Variants in KIAA1328 observed in about 807,000 individuals in gnomAD.
The protein encoded by KIAA1328 is KIAA1328.
A neutral mutation model predicts 68.1 loss-of-function variants in KIAA1328; 52 were observed. That is an observed-to-expected ratio of 0.76 (90% confidence interval 0.61 to 0.96). KIAA1328 has a LOEUF of 0.96. KIAA1328 is among the 40% of genes least tolerant of loss of function. The probability of loss-of-function intolerance (pLI) is 0.00; values close to 1 mark genes in which losing one functional copy is unlikely to be tolerated. For missense variants in KIAA1328, 641 were observed against 677.6 expected (o/e 0.95, Z 0.60); for synonymous variants, 232 against 239.4 (o/e 0.97, Z 0.28).
At chr18:36,964,247 A>G (rs1015944264) in intron 6 of KIAA1328, among the ~76,000 whole-genome samples, 1 of 152,210 alleles carries the variant, frequency 6.6e-6, no homozygotes, top group Non-Finnish European at 1.5e-5. Flanking sequence ...TAGAGCACAA[A>G]TATGCTAGAG....
At chr18:37,117,886 AAAT>A (rs758234706) in intron 7 of KIAA1328, among the ~76,000 whole-genome samples, 2 of 141,710 alleles carry the variant, frequency 1.4e-5, no homozygotes, top group African/African-American at 2.8e-5. Flanking sequence ...TAAAAAAAAA[AAAT>A]ATATATATAT....
At chr18:36,897,386 T>C (rs1031823723) in intron 5 of KIAA1328, among the ~76,000 whole-genome samples, 4 of 152,072 alleles carry the variant, frequency 2.6e-5, no homozygotes, top group Non-Finnish European at 2.9e-5. Context: ...GTTTTTCAAA[T>C]AGTTGTTATA....
At chr18:37,149,473 C>G (rs901470217) in intron 7 of KIAA1328, among the ~76,000 whole-genome samples, 2 of 152,126 alleles carry the variant, frequency 1.3e-5, no homozygotes, top group African/African-American at 2.4e-5. Context: ...CTAGGTGGTA[C>G]CATTCAGGAC....
intron 6 of KIAA1328, among the ~76,000 whole-genome samples, chr18:36,965,128 T>C (rs1221184909): frequency 6.6e-6 from 1 of 152,158 alleles, no homozygotes; most frequent in East Asian, 1.9e-4. Context: ...TTTTGGCAGG[T>C]AGATATAAAG....
chr18:36,976,758 A>G (rs1287595110), intron 6 of KIAA1328, among the ~76,000 whole-genome samples: 1 of 152,138 alleles, frequency 6.6e-6, no homozygotes, highest in African/African-American at 2.4e-5. Context: ...GTTATCTAAG[A>G]TTCCTTCCAG....
intron 8 of KIAA1328, among the ~76,000 whole-genome samples, chr18:37,167,677 G>A (rs1419090149): frequency 6.6e-6 from 1 of 151,990 alleles, no homozygotes; most frequent in African/African-American, 2.4e-5. Flanking sequence ...TTGATATCCA[G>A]CAGCTTCTGT....
At chr18:36,858,769 G>A (rs1476864175) in intron 4 of KIAA1328, among the ~76,000 whole-genome samples, 1 of 152,136 alleles carries the variant, frequency 6.6e-6, no homozygotes, top group African/African-American at 2.4e-5. Context: ...TTTTTGGGAC[G>A]AATTCCACAG....
At chr18:37,146,093 G>T (rs1683482) in intron 7 of KIAA1328, among the ~76,000 whole-genome samples, 3 of 150,304 alleles carry the variant, frequency 2.0e-5, no homozygotes, top group Non-Finnish European at 1.5e-5. Context: ...TTTTTTTTTC[G>T]GTTTTTAAAC....
chr18:37,183,152 G>T (rs1011017417), intron 9 of KIAA1328, among the ~76,000 whole-genome samples: 4 of 152,098 alleles, frequency 2.6e-5, no homozygotes, highest in African/African-American at 9.7e-5. Flanking sequence ...AGATGATAGG[G>T]TTAAGATATT....
intron 5 of KIAA1328, 74 bp from the exon 6 acceptor site, chr18:36,959,234 A>G: frequency 7.3e-7 from 1 of 1,365,464 alleles, no homozygotes; most frequent in Non-Finnish European, 9.8e-7. Flanking sequence ...TGTTTATTGG[A>G]ATATGAAAAG....
intron 6 of KIAA1328, among the ~76,000 whole-genome samples, chr18:36,965,702 C>T (rs1419831566): frequency 6.6e-6 from 1 of 150,652 alleles, no homozygotes; most frequent in East Asian, 2.0e-4. Context: ...CTTAGGGACA[C>T]ACAGTCTTAT....
intron 9 of KIAA1328, among the ~76,000 whole-genome samples, chr18:37,176,810 A>G (rs1006315566): frequency 2.0e-5 from 3 of 152,248 alleles, no homozygotes; most frequent in Non-Finnish European, 2.9e-5. Context: ...AGAGCTGGGC[A>G]AGTTACCATT....
intron 5 of KIAA1328, among the ~76,000 whole-genome samples, chr18:36,890,410 C>T (rs1168518460): frequency 5.9e-5 from 9 of 152,090 alleles, no homozygotes; most frequent in African/African-American, 2.2e-4. Context: ...ATGGCTCACG[C>T]TTATAATCCC....
chr18:37,203,641 T>C (rs2154219597), intron 9 of KIAA1328, among the ~76,000 whole-genome samples: 1 of 152,270 alleles, frequency 6.6e-6, no homozygotes, highest in East Asian at 1.9e-4. Context: ...AAAAGATAGG[T>C]CTGTGAGGAT....
intron 7 of KIAA1328, among the ~76,000 whole-genome samples, chr18:37,100,350 C>G (rs1356225967): frequency 6.6e-6 from 1 of 152,214 alleles, no homozygotes; most frequent in Admixed American, 6.5e-5. Context: ...ATGGTCTTAG[C>G]AAACGGCACA....
chr18:37,131,108 G>A (rs142531042), intron 7 of KIAA1328, among the ~76,000 whole-genome samples: 12 of 152,306 alleles, frequency 7.9e-5, no homozygotes, highest in African/African-American at 2.9e-4. Flanking sequence ...GGGTGATTCC[G>A]ATAATGTTTG....
At chr18:36,877,878 A>C (rs1296007229) in intron 4 of KIAA1328, among the ~76,000 whole-genome samples, 2 of 151,864 alleles carry the variant, frequency 1.3e-5, no homozygotes, top group Non-Finnish European at 2.9e-5. Context: ...CATGTTAGCC[A>C]GGATGGTCTC....
At chr18:37,042,452 T>C (rs2055293069) in intron 6 of KIAA1328, among the ~76,000 whole-genome samples, 1 of 152,230 alleles carries the variant, frequency 6.6e-6, no homozygotes, top group Admixed American at 6.5e-5. Flanking sequence ...ATTTTGTTTT[T>C]AAATATGTGG....
At chr18:36,934,769 T>A (rs1458080536) in intron 5 of KIAA1328, among the ~76,000 whole-genome samples, 2 of 152,228 alleles carry the variant, frequency 1.3e-5, no homozygotes, top group Admixed American at 1.3e-4. Context: ...TAATTATTTC[T>A]TAATTTAATA....
Sources: gnomAD v4.1 joint callset for allele counts (sites outside exome capture counted in the v4.1 genomes callset) on GRCh38, gnomAD v4.1.1 for gene constraint, MANE v1.5 for transcripts, NCBI Gene and HGNC (gene_info 2026-07-23, HGNC 2026-07-21) for gene names.